PREP: variants seen among roughly 807,000 people sequenced by gnomAD.
The protein encoded by PREP is dJ355L5.1 (prolyl endopeptidase).
A neutral mutation model predicts 87.6 loss-of-function variants in PREP; 29 were observed. That is an observed-to-expected ratio of 0.33 (90% CI 0.25 to 0.45). PREP has a LOEUF of 0.45. PREP is among the 20% of genes least tolerant of loss of function. The pLI, the probability that PREP is intolerant of heterozygous loss-of-function variation, is 1.00. For synonymous variants in PREP, 337 were observed against 328.6 expected (o/e 1.03, Z -0.28); for missense variants, 695 against 886.5 (o/e 0.78, Z 2.74).
chr6:105,333,215 T>C, intron 8 of PREP, 99 bp downstream of exon 8: 1 of 1,199,566 alleles, frequency 8.3e-7, no homozygotes, highest in Non-Finnish European at 1.2e-6. Context: ...TGAAGGTTTT[T>C]TACCTTGTAA....
At chr6:105,390,234 G>A (rs1773106132) in intron 2 of PREP, among the ~76,000 whole-genome samples, 1 of 152,192 alleles carries the variant, frequency 6.6e-6, no homozygotes, top group Non-Finnish European at 1.5e-5. Context: ...TAGTCAGTGA[G>A]AGAATGGAAA....
chr6:105,365,616 C>T (rs781016185), intron 6 of PREP, among the ~76,000 whole-genome samples: 4 of 152,144 alleles, frequency 2.6e-5, no homozygotes, highest in Non-Finnish European at 4.4e-5. Flanking sequence ...AGATCACATA[C>T]AGCTGGGTTG....
At chr6:105,302,978 C>T (rs1770576632) in intron 10 of PREP, among the ~76,000 whole-genome samples, 1 of 152,182 alleles carries the variant, frequency 6.6e-6, no homozygotes. Flanking sequence ...GCACAGGGGC[C>T]TTGGCTTCCA....
At chr6:105,399,951 G>A (rs1773381669) in intron 1 of PREP, among the ~76,000 whole-genome samples, 1 of 152,116 alleles carries the variant, frequency 6.6e-6, no homozygotes, top group South Asian at 2.1e-4. Context: ...ACTAAATTCA[G>A]GCATATCTAG....
chr6:105,351,153 G>C (rs967720394), intron 7 of PREP, among the ~76,000 whole-genome samples: 5 of 152,178 alleles, frequency 3.3e-5, no homozygotes, highest in African/African-American at 1.2e-4. Flanking sequence ...GTGTTGCTGT[G>C]AAAGTATTTT....
chr6:105,307,994 C>A (rs55759324), intron 10 of PREP, among the ~76,000 whole-genome samples: 20,070 of 152,162 alleles, frequency 0.13, 2,267 homozygotes, highest in African/African-American at 0.31. Context: ...GTCAGTACAA[C>A]CATCACCATC....
At chr6:105,399,509 G>A (rs1226142524) in intron 1 of PREP, among the ~76,000 whole-genome samples, 1 of 152,110 alleles carries the variant, frequency 6.6e-6, no homozygotes, top group East Asian at 1.9e-4. Context: ...ACTGAGCAAG[G>A]GACGTAAAAA....
intron 10 of PREP, chr6:105,322,927 C>A: frequency 8.2e-7 from 1 of 1,219,878 alleles, no homozygotes; most frequent in Non-Finnish European, 1.1e-6. Context: ...TCTCATCTTC[C>A]TTCACAAACA....
At chr6:105,401,274 A>C (rs1254287957) in intron 1 of PREP, among the ~76,000 whole-genome samples, 1 of 152,250 alleles carries the variant, frequency 6.6e-6, no homozygotes, top group Non-Finnish European at 1.5e-5. Flanking sequence ...TTAAAACTGC[A>C]CTTATCAAAC....
chr6:105,299,623 C>G (rs1271392050), intron 10 of PREP, among the ~76,000 whole-genome samples: 1 of 152,190 alleles, frequency 6.6e-6, no homozygotes, highest in African/African-American at 2.4e-5. Context: ...GCCAAGGCAA[C>G]ACTGCCAGCT....
At chr6:105,394,394 T>C (rs573344448) in intron 2 of PREP, among the ~76,000 whole-genome samples, 36 of 152,290 alleles carry the variant, frequency 2.4e-4, no homozygotes, top group Non-Finnish European at 2.4e-4. Context: ...TAATTGATTG[T>C]AGATGATATG....
chr6:105,362,529 A>T (rs1330805695), intron 6 of PREP, among the ~76,000 whole-genome samples: 1 of 152,184 alleles, frequency 6.6e-6, no homozygotes, highest in Non-Finnish European at 1.5e-5. Flanking sequence ...CTGTAAGAAA[A>T]GCGATTGATC....
chr6:105,292,465 G>A (rs1770315645), intron 10 of PREP, among the ~76,000 whole-genome samples: 1 of 152,154 alleles, frequency 6.6e-6, no homozygotes, highest in Non-Finnish European at 1.5e-5. Context: ...TGAGAAGTAG[G>A]TCTCAACAGT....
intron 10 of PREP, among the ~76,000 whole-genome samples, chr6:105,292,024 G>C (rs1021357459): frequency 1.3e-5 from 2 of 152,184 alleles, no homozygotes; most frequent in African/African-American, 4.8e-5. Context: ...TCTAATTCTC[G>C]TTCTCTTGCT....
intron 10 of PREP, among the ~76,000 whole-genome samples, chr6:105,313,681 A>G (rs1770804643): frequency 6.6e-6 from 1 of 152,206 alleles, no homozygotes; most frequent in Admixed American, 6.5e-5. Flanking sequence ...TGAGTACAGA[A>G]GTGGCCATCC....
chr6:105,311,609 T>C (rs974649159), intron 10 of PREP, among the ~76,000 whole-genome samples: 1 of 152,280 alleles, frequency 6.6e-6, no homozygotes, highest in African/African-American at 2.4e-5. Context: ...CTGACATTTA[T>C]TTTCTGTTCA....
At chr6:105,382,663 A>G (rs906416169) in intron 2 of PREP, among the ~76,000 whole-genome samples, 1 of 150,886 alleles carries the variant, frequency 6.6e-6, no homozygotes, top group Non-Finnish European at 1.5e-5. Flanking sequence ...ATGAAAGATA[A>G]AGATATGTGC....
In PREP at chr6:105,355,978, AT is replaced by A. The variant is rs1433819352; in HGVS notation, c.718-2902del. On this transcript the variant is annotated intron_variant, in intron 6 of 14. Coordinates refer to ENST00000652536, the MANE Select transcript of PREP (RefSeq NM_002726.5). The stretch of plus-strand genomic sequence containing the variant: ...CACTTAGTAAAGATCTCTAAAAAGT[AT>A]TTTTTTATGATAGCTTTTTATAAGT... 4.6e-5 allele frequency among the ~76,000 whole-genome samples: 7 copies of A among 152,044 alleles called. No individual in the cohort carries two copies. The East Asian group carries it at 7.7e-4, about 17-fold the overall frequency.
chr6:105,353,813 C>T (rs1018043604), intron 6 of PREP, among the ~76,000 whole-genome samples: 3 of 150,008 alleles, frequency 2.0e-5, no homozygotes, highest in Non-Finnish European at 3.0e-5. Flanking sequence ...TGGGTATGGA[C>T]GCAAGAAATT....
Sources: gnomAD v4.1 joint callset for allele counts (sites outside exome capture counted in the v4.1 genomes callset) on GRCh38, gnomAD v4.1.1 for gene constraint, MANE v1.5 for transcripts, NCBI Gene and HGNC (gene_info 2026-07-23, HGNC 2026-07-21) for gene names.